PVT1: variants seen among roughly 807,000 people sequenced by gnomAD.
PVT1 encodes the protein CXCR4/PVT1 fusion.
intron 2 of PVT1, among the ~76,000 whole-genome samples, chr8:127,797,396 C>A (rs1814410162): frequency 6.6e-6 from 1 of 152,172 alleles, no homozygotes; most frequent in Admixed American, 6.5e-5. Flanking sequence ...CCACACCCCC[C>A]ACCCCAATTT....
intron 2 of PVT1, among the ~76,000 whole-genome samples, chr8:127,883,047 ATG>A (rs1361001905): frequency 7.2e-6 from 1 of 138,506 alleles, no homozygotes; most frequent in Non-Finnish European, 1.5e-5. Flanking sequence ...GCACGCACAC[ATG>A]CATGCACACA....
intron 2 of PVT1, among the ~76,000 whole-genome samples, chr8:127,828,348 A>G (rs1239064914): frequency 6.6e-6 from 1 of 152,146 alleles, no homozygotes. Context: ...GAGACTTATT[A>G]TTAGCTGCAA....
At chr8:127,828,844 C>A (rs2129693675) in intron 2 of PVT1, among the ~76,000 whole-genome samples, 1 of 152,180 alleles carries the variant, frequency 6.6e-6, no homozygotes, top group East Asian at 1.9e-4. Flanking sequence ...TAATTACATG[C>A]CAGATGCTCG....
At chr8:127,884,253 T>C (rs1279056606) in intron 2 of PVT1, among the ~76,000 whole-genome samples, 2 of 152,214 alleles carry the variant, frequency 1.3e-5, no homozygotes, top group African/African-American at 4.8e-5. Flanking sequence ...CTCCCCTGTG[T>C]CTTGCTTCTT....
At chr8:128,095,981 C>T (rs1814424423) in intron 5 of PVT1, among the ~76,000 whole-genome samples, 1 of 152,214 alleles carries the variant, frequency 6.6e-6, no homozygotes, top group Admixed American at 6.5e-5. Context: ...AGAAACTCAA[C>T]CCACCTGTCA....
At chr8:127,876,846 C>A (rs11992068) in intron 2 of PVT1, among the ~76,000 whole-genome samples, 3 of 152,210 alleles carry the variant, frequency 2.0e-5, no homozygotes, top group South Asian at 4.1e-4. Context: ...CCCCATCCCC[C>A]CAATTTGGAC....
chr8:127,990,924 G>A (rs1368300305), intron 4 of PVT1, among the ~76,000 whole-genome samples: 3 of 152,154 alleles, frequency 2.0e-5, no homozygotes, highest in Non-Finnish European at 4.4e-5. Flanking sequence ...CGTGACTCTT[G>A]AAAGATGCTT....
intron 5 of PVT1, among the ~76,000 whole-genome samples, chr8:128,073,260 T>A (rs562494073): frequency 7.5e-4 from 114 of 152,316 alleles, no homozygotes; most frequent in Non-Finnish European, 1.4e-3. Context: ...CTAGATTTCC[T>A]TGGGAGCACG....
intron 3 of PVT1, among the ~76,000 whole-genome samples, chr8:127,901,749 T>G (rs930317788): frequency 7.8e-6 from 1 of 127,776 alleles, no homozygotes; most frequent in African/African-American, 3.5e-5. Context: ...TTGAGAAGAG[T>G]TTTTTTTTTT....
At chr8:127,798,236 G>A (rs1446539055) in intron 2 of PVT1, among the ~76,000 whole-genome samples, 2 of 151,706 alleles carry the variant, frequency 1.3e-5, no homozygotes, top group African/African-American at 4.8e-5. Context: ...CCCGGGAGGC[G>A]GAGGTTGCCG....
At chr8:127,802,921 C>T (rs78611092) in intron 2 of PVT1, among the ~76,000 whole-genome samples, 1,569 of 152,058 alleles carry the variant, frequency 0.01, 26 homozygotes, top group African/African-American at 0.036. Flanking sequence ...AAGGAAGACA[C>T]TGGGGTGTTG....
intron 3 of PVT1, among the ~76,000 whole-genome samples, chr8:127,899,055 C>T (rs1167016588): frequency 6.6e-6 from 1 of 152,198 alleles, no homozygotes; most frequent in Non-Finnish European, 1.5e-5. Context: ...AACAAATAAA[C>T]ACTGGCTGGC....
chr8:128,019,216 G>A (rs920320471), intron 4 of PVT1, among the ~76,000 whole-genome samples: 5 of 152,186 alleles, frequency 3.3e-5, no homozygotes, highest in African/African-American at 4.8e-5. Flanking sequence ...CAGCCTGGTG[G>A]TTTTGTTTTA....
chr8:127,841,635 T>C (rs1666651119), intron 2 of PVT1, among the ~76,000 whole-genome samples: 1 of 152,172 alleles, frequency 6.6e-6, no homozygotes, highest in Non-Finnish European at 1.5e-5. Context: ...AGATCTGTGG[T>C]AGCATCCAAG....
At chr8:127,926,222 C>T (rs1173905117) in intron 3 of PVT1, among the ~76,000 whole-genome samples, 2 of 152,182 alleles carry the variant, frequency 1.3e-5, no homozygotes, top group African/African-American at 2.4e-5. Flanking sequence ...CAGTGTCTGG[C>T]CTAGGGAAGG....
At chr8:128,048,018 A>C (rs1267252149) in intron 4 of PVT1, among the ~76,000 whole-genome samples, 1 of 152,226 alleles carries the variant, frequency 6.6e-6, no homozygotes, top group Non-Finnish European at 1.5e-5. Flanking sequence ...TGCCTAGAAC[A>C]CTGTGTGGAG....
intron 2 of PVT1, among the ~76,000 whole-genome samples, chr8:127,820,201 A>C (rs928652023): frequency 1.3e-5 from 2 of 152,208 alleles, no homozygotes; most frequent in African/African-American, 4.8e-5. Flanking sequence ...GAGTTTAATC[A>C]GCAAGAGTGG....
intron 3 of PVT1, among the ~76,000 whole-genome samples, chr8:127,923,278 G>C (rs548118570): frequency 1.3e-5 from 2 of 152,360 alleles, no homozygotes; most frequent in East Asian, 1.9e-4. Context: ...GCAACTCTGC[G>C]AAGCAGACGG....
At chr8:128,050,768 G>T (rs1475552993) in intron 4 of PVT1, among the ~76,000 whole-genome samples, 2 of 152,114 alleles carry the variant, frequency 1.3e-5, no homozygotes, top group Non-Finnish European at 2.9e-5. Context: ...CTCCTACTGG[G>T]GCTTGACTTG....
Sources: gnomAD v4.1 joint callset for allele counts (sites outside exome capture counted in the v4.1 genomes callset) on GRCh38, gnomAD v4.1.1 for gene constraint, MANE v1.5 for transcripts, NCBI Gene and HGNC (gene_info 2026-07-23, HGNC 2026-07-21) for gene names.